Variants in RALYL observed in about 807,000 individuals in gnomAD.
RALYL encodes RALY RNA binding protein like.
Under a neutral mutation model 35.1 loss-of-function variants are expected in RALYL, and 29 were observed. That is an observed-to-expected ratio of 0.83 (90% CI 0.61 to 1.13). RALYL has a LOEUF of 1.13. RALYL is among the 50% of genes most tolerant of loss of function. The pLI is 0.00. For missense variants in RALYL, 359 were observed against 360.4 expected, an observed-to-expected ratio of 1.00 and a Z score of 0.03; for synonymous variants, 120 against 127.6, an observed-to-expected ratio of 0.94 and a Z score of 0.40.
At chr8:84,896,361 A>G (rs1398234730) in intron 8 of RALYL, among the ~76,000 whole-genome samples, 1 of 152,220 alleles carries the variant, frequency 6.6e-6, no homozygotes, top group African/African-American at 2.4e-5. Flanking sequence ...AAGCAGCTAC[A>G]TGAGCTAATG....
At chr8:84,625,681 T>A (rs141499942) in intron 2 of RALYL, among the ~76,000 whole-genome samples, 62 of 152,290 alleles carry the variant, frequency 4.1e-4, no homozygotes, top group African/African-American at 1.4e-3. Context: ...GCCAACAATG[T>A]ATAGCAAATC....
intron 1 of RALYL, among the ~76,000 whole-genome samples, chr8:84,205,170 T>C (rs937124741): frequency 1.1e-4 from 17 of 152,240 alleles, no homozygotes; most frequent in African/African-American, 4.1e-4. Flanking sequence ...ATAAAACATA[T>C]GTTGTTACTT....
At chr8:84,593,244 T>A (rs1230326406) in intron 2 of RALYL, among the ~76,000 whole-genome samples, 1 of 152,084 alleles carries the variant, frequency 6.6e-6, no homozygotes, top group African/African-American at 2.4e-5. Context: ...TGAGTTCTAT[T>A]CACTCATAAT....
chr8:84,705,190 A>G (rs1427933273), intron 2 of RALYL, among the ~76,000 whole-genome samples: 1 of 152,176 alleles, frequency 6.6e-6, no homozygotes, highest in East Asian at 1.9e-4. Context: ...AGCTATAATG[A>G]AGGCAGAGCT....
chr8:84,522,443 G>T (rs2058534330), intron 1 of RALYL, among the ~76,000 whole-genome samples: 1 of 151,724 alleles, frequency 6.6e-6, no homozygotes, highest in African/African-American at 2.4e-5. Context: ...TAGAGACGGG[G>T]TTTCACCGTT....
At chr8:84,330,723 A>G (rs1846646665) in intron 1 of RALYL, among the ~76,000 whole-genome samples, 1 of 152,028 alleles carries the variant, frequency 6.6e-6, no homozygotes, top group South Asian at 2.1e-4. Context: ...TACCCGACTC[A>G]CTTCCTTTGT....
At chr8:84,359,764 T>TA (rs1852571383) in intron 1 of RALYL, among the ~76,000 whole-genome samples, 1 of 152,134 alleles carries the variant, frequency 6.6e-6, no homozygotes, top group South Asian at 2.1e-4. Context: ...TAATCTCTAC[T>TA]AAACAATTTT....
chr8:84,772,627 CAT>C (rs1257514278), intron 2 of RALYL, among the ~76,000 whole-genome samples: 2 of 151,898 alleles, frequency 1.3e-5, no homozygotes, highest in African/African-American at 2.4e-5. Context: ...GTATTTTATA[CAT>C]ATGATTGTTG....
chr8:84,657,065 C>G (rs933298473), intron 2 of RALYL, among the ~76,000 whole-genome samples: 2 of 152,134 alleles, frequency 1.3e-5, no homozygotes, highest in Non-Finnish European at 2.9e-5. Flanking sequence ...GCTGCTGACA[C>G]TGTAAAGATT....
intron 2 of RALYL, among the ~76,000 whole-genome samples, chr8:84,537,940 ATTGT>A (rs2059735168): frequency 6.6e-6 from 1 of 152,264 alleles, no homozygotes; most frequent in Admixed American, 6.5e-5. Flanking sequence ...AAATCTGGTA[ATTGT>A]TTAAGAAGTC....
intron 1 of RALYL, among the ~76,000 whole-genome samples, chr8:84,185,569 C>T (rs1449118452): frequency 6.6e-6 from 1 of 151,964 alleles, no homozygotes; most frequent in Admixed American, 6.6e-5. Flanking sequence ...AATAAATTTC[C>T]TGAAGGCATA....
In RALYL at chr8:84,764,086, C is replaced by T. The variant is rs1456723000; in HGVS notation, c.257-10493C>T. ...TCCTGGTAGATGTGGTTCGATAAAACGTCTAACGTTAGAATCTGTGTCTTG... is the reference window on the plus strand; with the variant it reads ...TCCTGGTAGATGTGGTTCGATAAAATGTCTAACGTTAGAATCTGTGTCTTG... On this transcript the variant is annotated intron_variant, in intron 2 of 8. Coordinates refer to ENST00000521268, the MANE Select transcript of RALYL (RefSeq NM_173848.7). 2.6e-5 allele frequency among the ~76,000 whole-genome samples: 4 copies of T among 152,158 alleles called. No individual in the cohort carries two copies. The East Asian group carries it at 7.7e-4, about 29-fold the overall frequency.
intron 2 of RALYL, among the ~76,000 whole-genome samples, chr8:84,744,174 G>GC (rs1808064409): frequency 6.6e-6 from 1 of 152,022 alleles, no homozygotes; most frequent in Non-Finnish European, 1.5e-5. Flanking sequence ...TTGGAGAATT[G>GC]TGAGAGGAAT....
At chr8:84,828,908 T>G (rs1398358074) in intron 4 of RALYL, 1 of 152,598 alleles carries the variant, frequency 6.6e-6, no homozygotes, top group Non-Finnish European at 1.5e-5. Flanking sequence ...CTTTATACAT[T>G]ATCAAGGTTG....
chr8:84,384,450 A>G (rs1364055563), intron 1 of RALYL, among the ~76,000 whole-genome samples: 1 of 151,808 alleles, frequency 6.6e-6, no homozygotes, highest in African/African-American at 2.4e-5. Flanking sequence ...AATCAACGAC[A>G]AATGCATTTT....
chr8:84,832,019 A>G (rs1831035346), intron 4 of RALYL, among the ~76,000 whole-genome samples: 1 of 152,128 alleles, frequency 6.6e-6, no homozygotes, highest in Admixed American at 6.5e-5. Context: ...AGGAATGACA[A>G]TGTTTAGTAT....
In RALYL at chr8:84,198,691, C is replaced by T. The variant is rs1054399047; in HGVS notation, c.-24+14267C>T. On this transcript the variant is annotated intron_variant, in intron 1 of 8. Coordinates refer to ENST00000521268, the MANE Select transcript of RALYL (RefSeq NM_173848.7). ...CCTTTAGTAATCATGCTTCCACTCC[C>T]TATCTCCATGAGTTTGGGGACGTTT... Among the ~76,000 whole-genome samples the T allele has an allele frequency of 5.9e-5, 9 of 152,132 alleles. No individual in the cohort carries two copies. In the South Asian group the frequency reaches 6.2e-4, roughly 11 times the overall value.
intron 1 of RALYL, among the ~76,000 whole-genome samples, chr8:84,430,519 A>C (rs1486585094): frequency 6.6e-6 from 1 of 152,120 alleles, no homozygotes; most frequent in Non-Finnish European, 1.5e-5. Flanking sequence ...TCTATTCTCC[A>C]TCTGAGACCT....
rs185051904 is a variant in RALYL, at chr8:84,797,181, T to G, written c.333-7589T>G. ...AAGCATCACATGGTGAAGAAACGCA[T>G]GCACAAAACAGAGCGAAAAAGCAGA... On this transcript the variant is annotated intron_variant, in intron 3 of 8. Transcript: ENST00000521268. 2.0e-3 allele frequency among the ~76,000 whole-genome samples: 301 copies of G among 152,322 alleles called. 1 individual carries two copies. Among genetic ancestry groups the G allele is most frequent in the African/African-American group, 6.9e-3 (285 of 41,576 alleles).
Sources: allele counts gnomAD v4.1 joint callset (sites outside exome capture counted in the v4.1 genomes callset), GRCh38; gene constraint gnomAD v4.1.1; transcripts MANE v1.5; gene names NCBI Gene and HGNC (gene_info 2026-07-23, HGNC 2026-07-21).